The following SOS2 variants were observed in gnomAD, a reference collection of about 807,000 sequenced individuals.
SOS2 encodes the protein SOS Ras/Rho guanine nucleotide exchange factor 2, also known as son of sevenless homolog 2.
In SOS2, 65 loss-of-function variants were observed where a neutral mutation model predicts 148.2. The observed-to-expected ratio is 0.44, with a 90% CI of 0.36 to 0.54. The LOEUF (loss-of-function observed/expected upper bound fraction) is 0.54, where lower values mean the gene tolerates loss of function less well. SOS2 is among the 20% of genes least tolerant of loss of function. SOS2 has a pLI of 0.00. For synonymous variants in SOS2, 539 were observed against 537.1 expected (o/e 1.00, Z -0.05); for missense variants, 1,341 against 1,590.2 (o/e 0.84, Z 2.67).
chr14:50,134,361 A>C (rs1216201840), intron 18 of SOS2, 122 bp from the exon 19 acceptor site: 3 of 570,984 alleles, frequency 5.3e-6, no homozygotes, highest in African/African-American at 3.9e-5. Flanking sequence ...AAAATAACAC[A>C]TTAAGAGCCC....
chr14:50,150,426 C>A (rs903847976), intron 13 of SOS2, among the ~76,000 whole-genome samples, 196 bp from the exon 14 acceptor site: 1 of 152,172 alleles, frequency 6.6e-6, no homozygotes, highest in African/African-American at 2.4e-5. Flanking sequence ...GTATTTCATT[C>A]ATATTTAAGC....
At chr14:50,126,159 A>G (rs1325037404) in intron 21 of SOS2, among the ~76,000 whole-genome samples, 1 of 152,228 alleles carries the variant, frequency 6.6e-6, no homozygotes, top group Non-Finnish European at 1.5e-5. Context: ...TATGAAAGAC[A>G]AGAGACTACA....
chr14:50,149,280 A>AG (rs1428599641), intron 14 of SOS2, among the ~76,000 whole-genome samples: 1 of 152,226 alleles, frequency 6.6e-6, no homozygotes, highest in Non-Finnish European at 1.5e-5. Context: ...AATAAAGAAA[A>AG]TGTGGTATAT....
intron 1 of SOS2, among the ~76,000 whole-genome samples, chr14:50,206,116 T>G (rs190063908): frequency 6.6e-6 from 1 of 152,318 alleles, no homozygotes; most frequent in Admixed American, 6.5e-5. Context: ...ATTTTATGTT[T>G]GTTTTATATT....
At position 50,199,823 on chromosome 14, in the gene SOS2, T is replaced by C. The variant is rs1375942712; in HGVS notation, c.378A>G (p.Val126=). The C allele has an allele frequency of 2.5e-6, 4 of 1,591,024 alleles. No individual in the cohort carries two copies. The highest frequency in any genetic ancestry group is 1.1e-5 in the South Asian group (1 of 88,770). The part of the protein sequence containing the change: ...EVLGYKVDYH[V]SLYIVAVLEY... Reference sequence around the variant, plus strand: ...CTAGTACAGCCACAATATATAGGGATACATGGTAGTCCACTTTGTACCCTA... The same window carrying C: ...CTAGTACAGCCACAATATATAGGGACACATGGTAGTCCACTTTGTACCCTA... The change falls in exon 4 of 23, where the codon GTA becomes GTG. Residue 126 remains valine, a synonymous_variant. Transcript: ENST00000216373.
At chr14:50,223,795 G>A (rs898958321) in intron 1 of SOS2, among the ~76,000 whole-genome samples, 10 of 152,146 alleles carry the variant, frequency 6.6e-5, no homozygotes, top group Admixed American at 4.6e-4. Context: ...TAAGGCTATA[G>A]TGAGCTGTGA....
At position 50,149,935 on chromosome 14, in the gene SOS2, G is replaced by C; in HGVS notation, c.2384+73C>G. ...ATTTTTAAGCACTCATGAATAATGT[G>C]CAAAATGTTTTGAAAATAGGTAATG... On this transcript the variant is annotated intron_variant, in intron 14 of 22. Coordinates refer to ENST00000216373, the MANE Select transcript of SOS2 (RefSeq NM_006939.4). The C allele has an allele frequency of 4.6e-6, 5 of 1,083,770 alleles. No individual in the cohort carries two copies. The South Asian group carries it at 6.5e-5, about 14-fold the overall frequency. 67.1% of individuals were successfully genotyped at this position (1,083,770 alleles called of 1,614,324 possible).
intron 1 of SOS2, among the ~76,000 whole-genome samples, chr14:50,209,256 G>A (rs1886779101): frequency 8.4e-6 from 1 of 119,006 alleles, no homozygotes; most frequent in African/African-American, 2.8e-5. Flanking sequence ...AACCTCATGA[G>A]CCTATTTCCT....
chr14:50,131,082 T>C (rs931355619), intron 19 of SOS2, among the ~76,000 whole-genome samples: 3 of 152,154 alleles, frequency 2.0e-5, no homozygotes, highest in Non-Finnish European at 4.4e-5. Flanking sequence ...TCTATATAGA[T>C]TTTACAAACA....
intron 18 of SOS2, among the ~76,000 whole-genome samples, chr14:50,137,187 GGTT>G (rs1306674524): frequency 1.3e-5 from 2 of 151,994 alleles, no homozygotes; most frequent in Non-Finnish European, 2.9e-5. Context: ...TAATTTAGAA[GGTT>G]GTTTCATATT....
intron 12 of SOS2, among the ~76,000 whole-genome samples, chr14:50,154,222 C>G (rs1301701792): frequency 6.6e-6 from 1 of 152,174 alleles, no homozygotes; most frequent in Non-Finnish European, 1.5e-5. Flanking sequence ...ACCCAATTTA[C>G]TCCTACAACT....
intron 21 of SOS2, among the ~76,000 whole-genome samples, chr14:50,124,167 A>ATT (rs1473403721): frequency 2.0e-5 from 3 of 152,196 alleles, no homozygotes; most frequent in Admixed American, 6.5e-5. Context: ...TTCTGGCTAG[A>ATT]TATAAACTTG....
intron 1 of SOS2, among the ~76,000 whole-genome samples, chr14:50,226,373 C>G (rs1321786995): frequency 3.3e-5 from 5 of 152,204 alleles, no homozygotes; most frequent in Non-Finnish European, 5.9e-5. Context: ...TCAGATCACC[C>G]TGTACTTTTC....
intron 1 of SOS2, among the ~76,000 whole-genome samples, chr14:50,210,986 A>C (rs1886851150): frequency 6.6e-6 from 1 of 152,168 alleles, no homozygotes; most frequent in African/African-American, 2.4e-5. Flanking sequence ...ATTAAGTACT[A>C]AAGTTCAAGA....
At chr14:50,229,619 G>C (rs547110140) in intron 1 of SOS2, among the ~76,000 whole-genome samples, 2 of 152,104 alleles carry the variant, frequency 1.3e-5, no homozygotes, top group East Asian at 3.9e-4. Flanking sequence ...GACCAGCCTG[G>C]GCAACATAGC....
At chr14:50,121,533 G>A (rs952818917) in intron 21 of SOS2, among the ~76,000 whole-genome samples, 1 of 148,956 alleles carries the variant, frequency 6.7e-6, no homozygotes, top group Non-Finnish European at 1.5e-5. Context: ...CCTGGGGGAG[G>A]GGGGGGAGTC....
Position 50,231,272 on chromosome 14 carries a change from C to T in SOS2, c.12G>A (p.Ala4=). The T allele has an allele frequency of 1.4e-6, 2 of 1,471,306 alleles. No homozygotes were observed. Among genetic ancestry groups the T allele is most frequent in the African/African-American group, 1.4e-5 (1 of 70,146 alleles). The allele number at this position is 1,471,306 out of a possible 1,614,324, so 91.1% of individuals were successfully genotyped here. Residue 4 remains alanine (A), a synonymous_variant, in exon 1 of 23, where the codon GCG becomes GCA. Transcript: ENST00000216373. ...CGCTGAAGAACTCGTAAGGCTGCGG[C>T]GCCTGCTGCATGGCCCCGGCGACAG... MQQ[A]PQPYEFFSEE...
At chr14:50,145,818 T>C (rs2139578544) in intron 14 of SOS2, among the ~76,000 whole-genome samples, 1 of 152,300 alleles carries the variant, frequency 6.6e-6, no homozygotes, top group East Asian at 1.9e-4. Context: ...AAATCCCATT[T>C]TACTCATTAG....
At chr14:50,173,927 T>C (rs10133392) in intron 8 of SOS2, among the ~76,000 whole-genome samples, 90,836 of 151,970 alleles carry the variant, frequency 0.6, 27,929 homozygotes, top group Non-Finnish European at 0.68. Flanking sequence ...CCCTCTAATA[T>C]TGGCCAACAT....
Sources: gnomAD v4.1 joint callset for allele counts (sites outside exome capture counted in the v4.1 genomes callset) on GRCh38, gnomAD v4.1.1 for gene constraint, MANE v1.5 for transcripts, NCBI Gene and HGNC (gene_info 2026-07-23, HGNC 2026-07-21) for gene names.